The following TCP11 variants were observed in gnomAD, a reference collection of about 807,000 sequenced individuals.
TCP11 encodes T-complex protein 11 homolog.
In TCP11, 34 loss-of-function variants were observed where a neutral mutation model predicts 45.0. That is an observed-to-expected ratio of 0.76 (90% CI 0.57 to 1.01). The LOEUF is 1.01. Ranked by LOEUF, TCP11 falls within the 50% of genes least tolerant of loss-of-function variation. TCP11 has a pLI of 0.00. For synonymous variants in TCP11, 227 were observed against 227.0 expected, an observed-to-expected ratio of 1.00 and a Z score of 0.00; for missense variants, 523 against 598.1, an observed-to-expected ratio of 0.87 and a Z score of 1.31.
rs772842447 is a variant in TCP11, at chr6:35,140,815, C to A, written c.56G>T (p.Arg19Met). 1 of 1,549,358 alleles carries A rather than the reference C, an allele frequency of 6.5e-7. No individual in the cohort carries two copies. The highest frequency in any genetic ancestry group is 1.3e-5 in the South Asian group (1 of 78,400). Reference protein sequence around the residue: ...PPKYPGDSEGRSCKPETSGPP... With the variant: ...PPKYPGDSEGMSCKPETSGPP... ...TCCTGAGGTTTCGGGCTTACAGGAC[C>A]TGCCCTCTGAGTCGCCAGGATATTT... The change falls in exon 2 of 10, where the codon AGG becomes ATG. Residue 19 changes from arginine to methionine, a missense_variant. By Grantham distance (91) the Arg-to-Met change is moderately conservative. This residue lies in a region of TCP11 where 225 missense variants were observed against 210.2 expected (regional missense o/e 1.07). Transcript: ENST00000311875.
At chr6:35,119,488 G>A in intron 8 of TCP11, 97 bp from the exon 9 acceptor site, 1 of 1,459,100 alleles carries the variant, frequency 6.9e-7, no homozygotes, top group South Asian at 1.3e-5. Flanking sequence ...GCCCACTTGA[G>A]GGAGAATGTC....
In TCP11 at chr6:35,140,838, T is replaced by C. The variant is rs543163804; in HGVS notation, c.33A>G (p.Lys11=). 14 of 1,566,196 alleles carry C rather than the reference T, an allele frequency of 8.9e-6. No individual in the cohort carries two copies. The highest frequency in any genetic ancestry group is 1.2e-5 in the Non-Finnish European group (14 of 1,160,020). ...ACCTGCCCTCTGAGTCGCCAGGATATTTCGGGGGCACACTCTCCTTGACGT... is the reference window on the plus strand; with the variant it reads ...ACCTGCCCTCTGAGTCGCCAGGATACTTCGGGGGCACACTCTCCTTGACGT... MPDVKESVPP[K]YPGDSEGRSC... is the part of the protein sequence containing the mutation. The change falls in exon 2 of 10, where the codon AAA becomes AAG. Residue 11 remains lysine (K), a synonymous_variant. Transcript: ENST00000311875.
intron 8 of TCP11, 101 bp from the exon 9 acceptor site, chr6:35,119,492 G>A: frequency 7.0e-7 from 1 of 1,428,902 alleles, no homozygotes. Context: ...ACTTGAGGGA[G>A]AATGTCAGCC....
rs144823067 is a variant in TCP11, at chr6:35,140,406, C to T, written c.124+341G>A. On this transcript the variant is annotated intron_variant, in intron 2 of 9. Transcript: ENST00000311875. Reference sequence around the variant, plus strand: ...CAAAGCGCTGAGAAAACCCAATTCCCGTCTGGGATCATTTGGGTTCTTTAA... The same window carrying T: ...CAAAGCGCTGAGAAAACCCAATTCCTGTCTGGGATCATTTGGGTTCTTTAA... The T allele has an allele frequency of 1.2e-3, 622 of 523,800 alleles. 4 individuals are homozygous for T. The highest frequency in any genetic ancestry group is 1.0e-2 in the African/African-American group (521 of 52,234). 32.4% of individuals were successfully genotyped at this position (523,800 alleles called of 1,614,324 possible).
At chr6:35,132,004 T>C (rs938261295) in intron 3 of TCP11, among the ~76,000 whole-genome samples, 1 of 152,244 alleles carries the variant, frequency 6.6e-6, no homozygotes, top group African/African-American at 2.4e-5. Context: ...CTAAAAACAA[T>C]GCTGTTTCTC....
chr6:35,140,694 C>A (rs1018299651), intron 2 of TCP11, 53 bp downstream of exon 2: 1 of 1,182,674 alleles, frequency 8.5e-7, no homozygotes, highest in Non-Finnish European at 1.2e-6. Context: ...CCTGCGGACC[C>A]CCCACACTAA....
Position 35,118,466 on chromosome 6 carries a change from C to T in TCP11, c.1315G>A (p.Val439Ile). ...RIHLFLKCCL[V>I]LGVQRSLLDL... ...AATAGAGACCGCTGCACACCAAGAA[C>T]CAAACAGCATTTGAGAAACAAATGG... The change falls in exon 10 of 10, where the codon GTT (valine) becomes ATT (isoleucine). Residue 439 changes from valine to isoleucine, a missense_variant. By Grantham distance (29) the Val-to-Ile change is conservative. This residue lies in a region of TCP11 where 298 missense variants were observed against 387.9 expected (regional missense o/e 0.77). Coordinates refer to ENST00000311875, the MANE Select transcript of TCP11 (RefSeq NM_001370687.1). 1 of 1,614,048 alleles carries T rather than the reference C, an allele frequency of 6.2e-7. No individual in the cohort carries two copies. The highest frequency in any genetic ancestry group is 8.5e-7 in the Non-Finnish European group (1 of 1,180,004).
At chr6:35,122,755 T>C (rs796969723) in intron 4 of TCP11, among the ~76,000 whole-genome samples, 121 of 152,284 alleles carry the variant, frequency 7.9e-4, no homozygotes, top group African/African-American at 2.6e-3. Context: ...TGAAATAGCC[T>C]ATTAACCCCC....
At position 35,140,904 on chromosome 6, in the gene TCP11, GTGT is replaced by G. The variant is rs750688715; in HGVS notation, c.-14-23_-14-21del. 2.3e-5 allele frequency: 35 copies of G among 1,539,128 alleles called. No individual in the cohort carries two copies. Among genetic ancestry groups the G allele is most frequent in the Non-Finnish European group, 2.7e-5 (31 of 1,148,234 alleles). ...TGGTATCTGGGTGAGGGAGAAAGGC[GTGT>G]TGTTGGCGTCGGGGAAGGGGCCTCC... is the stretch of plus-strand genomic sequence containing the variant. On this transcript the variant is annotated intron_variant, in intron 1 of 9. Transcript: ENST00000311875.
intron 4 of TCP11, among the ~76,000 whole-genome samples, chr6:35,125,459 T>C (rs969053981): frequency 3.3e-5 from 5 of 152,084 alleles, no homozygotes; most frequent in South Asian, 2.1e-4. Context: ...TGCAAGTCAA[T>C]GAGATACCAC....
In TCP11 at chr6:35,120,133, C is replaced by T. The variant is rs1450571503; in HGVS notation, c.1115+26G>A. The T allele has an allele frequency of 5.6e-6, 9 of 1,608,014 alleles. No individual in the cohort carries two copies. Among genetic ancestry groups the T allele is most frequent in the Non-Finnish European group, 7.6e-6 (9 of 1,176,866 alleles). On this transcript the variant is annotated intron_variant, in intron 8 of 9. Transcript: ENST00000311875. The surrounding 1 kb of genome is among the most constrained non-coding windows in gnomAD (Gnocchi z 4.9). The stretch of plus-strand genomic sequence containing the variant: ...TCTAAATACCACATATCACCTTCTA[C>T]TCTAAAAAGTAACTATGCAGCTCAC...
chr6:35,141,284 G>C lies in TCP11; in HGVS notation c.-94C>G. The C allele has an allele frequency of 7.7e-7, 1 of 1,293,058 alleles. No individual in the cohort carries two copies. The highest frequency in any genetic ancestry group is 9.8e-7 in the Non-Finnish European group (1 of 1,021,062). The allele number at this position is 1,293,058 out of a possible 1,614,324, so 80.1% of individuals were successfully genotyped here. ...GCCTGGCGGCCTGGAGCGTACCACC[G>C]CGGCGGAGCGGCGGGTTGGGGCGTC... On this transcript the variant is annotated 5_prime_UTR_variant, in exon 1 of 10. Transcript: ENST00000311875.
chr6:35,119,188 TCTTCC>T, intron 9 of TCP11, 35 bp downstream of exon 9: 1 of 1,609,858 alleles, frequency 6.2e-7, no homozygotes, highest in Non-Finnish European at 8.5e-7. Flanking sequence ...GGGATCTATC[TCTTCC>T]CTCACCATTC....
At chr6:35,138,446 G>A (rs186911618) in intron 2 of TCP11, among the ~76,000 whole-genome samples, 1 of 152,164 alleles carries the variant, frequency 6.6e-6, no homozygotes, top group Non-Finnish European at 1.5e-5. Flanking sequence ...TGGAACAGGA[G>A]GTCATTATGT....
intron 2 of TCP11, among the ~76,000 whole-genome samples, chr6:35,136,531 T>C (rs181509496): frequency 8.0e-4 from 109 of 136,196 alleles, no homozygotes; most frequent in African/African-American, 2.9e-3. Context: ...AACAATAATT[T>C]GAAATTTGCA....
intron 2 of TCP11, among the ~76,000 whole-genome samples, chr6:35,139,275 G>A (rs1781458189): frequency 6.6e-6 from 1 of 151,942 alleles, no homozygotes; most frequent in East Asian, 1.9e-4. Context: ...AAGGCAGGAG[G>A]GGGAAATACA....
intron 3 of TCP11, among the ~76,000 whole-genome samples, chr6:35,133,572 A>G (rs977818626): frequency 6.6e-6 from 1 of 152,010 alleles, no homozygotes; most frequent in Non-Finnish European, 1.5e-5. Context: ...CGGGTGGATC[A>G]CGAGGTCAAG....
rs1320891899 is a variant in TCP11 at position 35,129,929 on chromosome 6, C to T, written c.237-747G>A. Among the ~76,000 whole-genome samples the T allele has an allele frequency of 6.6e-5, 10 of 152,154 alleles. No individual in the cohort carries two copies. The East Asian group carries it at 1.4e-3, about 21-fold the overall frequency. ...AGCTGGGACCACAGGCATGAGCCAC[C>T]GTGCCAGCTAATTTTTTTATTTTTT... On this transcript the variant is annotated intron_variant, in intron 3 of 9. Coordinates refer to ENST00000311875, the MANE Select transcript of TCP11 (RefSeq NM_001370687.1).
At position 35,140,148 on chromosome 6, in the gene TCP11, C is replaced by T. The variant is rs1023976444; in HGVS notation, c.124+599G>A. 16 of 1,608,924 alleles carry T rather than the reference C, an allele frequency of 9.9e-6. No individual in the cohort carries two copies. In the Admixed American group the frequency reaches 2.5e-4, roughly 25 times the overall value. ...GCCGCAAAGCCTCAATCTAATTTTT[C>T]GCATTTCAATAGTCAAGAATTTTAT... On this transcript the variant is annotated intron_variant, in intron 2 of 9. Coordinates refer to ENST00000311875, the MANE Select transcript of TCP11 (RefSeq NM_001370687.1).
Sources: gnomAD v4.1 joint callset for allele counts (sites outside exome capture counted in the v4.1 genomes callset) on GRCh38, gnomAD v4.1.1 for gene constraint, gnomAD v4.1.1 regional missense constraint, Gnocchi (gnomAD v3.1) non-coding constraint, MANE v1.5 for transcripts, NCBI Gene and HGNC (gene_info 2026-07-23, HGNC 2026-07-21) for gene names.